Variants in OR6N1 observed in about 807,000 individuals in gnomAD.
OR6N1 encodes the protein olfactory receptor 6N1.
For synonymous variants in OR6N1, 170 were observed against 150.7 expected, an observed-to-expected ratio of 1.13 and a Z score of -0.94; for missense variants, 394 against 371.7, an observed-to-expected ratio of 1.06 and a Z score of -0.49.
chr1:158,804,359 G>C, the OR6N1 span, among the ~76,000 whole-genome samples: 196 of 152,230 alleles, frequency 1.3e-3, 1 homozygote, highest in African/African-American at 4.5e-3. Flanking sequence ...TACAACCTGA[G>C]GGTCCATTGC....
At chr1:158,787,245 G>A in the OR6N1 span, among the ~76,000 whole-genome samples, 41 of 152,134 alleles carry the variant, frequency 2.7e-4, no homozygotes, top group African/African-American at 9.4e-4. Flanking sequence ...TGTCATGATT[G>A]AAATCTTCCT....
the OR6N1 span, among the ~76,000 whole-genome samples, chr1:158,810,221 C>T: frequency 6.6e-6 from 1 of 152,118 alleles, no homozygotes; most frequent in Non-Finnish European, 1.5e-5. Context: ...CTCCCACACC[C>T]TAATAAGCCT....
chr1:158,777,100 CAG>C, upstream of OR6N1: 1 of 1,614,104 alleles, frequency 6.2e-7, no homozygotes. Flanking sequence ...TGGAAAGTCA[CAG>C]AAAATGTGTT....
rs200014184 is a variant in OR6N1, at chr1:158,765,854, C to A, written c.829G>T (p.Val277Phe). The A allele has an allele frequency of 3.1e-6, 5 of 1,613,988 alleles. No individual in the cohort carries two copies. Among genetic ancestry groups the A allele is most frequent in the African/African-American group, 1.3e-5 (1 of 74,936 alleles). The change falls in exon 2 of 2, where the codon GTC becomes TTC. Residue 277 changes from valine to phenylalanine, a missense_variant. Physicochemically the swap from Val to Phe is conservative, Grantham distance 50. Coordinates refer to ENST00000641846, the MANE Select transcript of OR6N1 (RefSeq NM_001005185.2). Reference sequence around the variant, plus strand: ...AGGAAGGGTGTGAGCACTGAGTAGACCACTGCCAGGGCCTGGTCATAGTCC... The same window carrying A: ...AGGAAGGGTGTGAGCACTGAGTAGAACACTGCCAGGGCCTGGTCATAGTCC... Reference protein sequence around the residue: ...SLDYDQALAVVYSVLTPFLNP... With the variant: ...SLDYDQALAVFYSVLTPFLNP...
At chr1:158,804,341 G>T in the OR6N1 span, among the ~76,000 whole-genome samples, 1 of 152,122 alleles carries the variant, frequency 6.6e-6, no homozygotes, top group African/African-American at 2.4e-5. Flanking sequence ...GGGCACACTT[G>T]GGTTACATAC....
At chr1:158,789,190 T>C in the OR6N1 span, among the ~76,000 whole-genome samples, 6 of 152,224 alleles carry the variant, frequency 3.9e-5, no homozygotes, top group Admixed American at 3.9e-4. Context: ...TTCTTTTTTA[T>C]TGCTGAATAG....
At chr1:158,830,652 T>C in the OR6N1 span, among the ~76,000 whole-genome samples, 25 of 152,294 alleles carry the variant, frequency 1.6e-4, no homozygotes. Flanking sequence ...ATTCCAGAGT[T>C]TCAGTGCTGT....
At chr1:158,772,585 G>A (rs1657449367), upstream of OR6N1, among the ~76,000 whole-genome samples, 1 of 152,206 alleles carries the variant, frequency 6.6e-6, no homozygotes, top group African/African-American at 2.4e-5. Context: ...CCCTGAAAGG[G>A]TGAGGACAGG....
the OR6N1 span, among the ~76,000 whole-genome samples, chr1:158,809,595 A>C: frequency 4.6e-5 from 7 of 152,060 alleles, no homozygotes; most frequent in Non-Finnish European, 1.0e-4. Flanking sequence ...TGCTCCAGTG[A>C]CTCAGTGATT....
chr1:158,821,078 A>G, the OR6N1 span, among the ~76,000 whole-genome samples: 1 of 152,216 alleles, frequency 6.6e-6, no homozygotes, highest in Non-Finnish European at 1.5e-5. Context: ...TACAAGCTCT[A>G]GTCTTCCTGG....
chr1:158,775,573 ATTACT>A (rs992635906), upstream of OR6N1: 1 of 152,228 alleles, frequency 6.6e-6, no homozygotes, highest in Non-Finnish European at 1.5e-5. Flanking sequence ...TTTCAAATAC[ATTACT>A]TTATATTTTA....
At chr1:158,780,827 A>G in the OR6N1 span, among the ~76,000 whole-genome samples, 2 of 152,186 alleles carry the variant, frequency 1.3e-5, no homozygotes, top group Non-Finnish European at 2.9e-5. Context: ...TCTGCCTTCT[A>G]CCATCTGTGT....
the OR6N1 span, among the ~76,000 whole-genome samples, chr1:158,802,864 T>A: frequency 1.3e-5 from 2 of 152,308 alleles, no homozygotes; most frequent in South Asian, 4.1e-4. Flanking sequence ...TTACTTTTAC[T>A]TATATCCATA....
At chr1:158,838,124 T>C in the OR6N1 span, among the ~76,000 whole-genome samples, 5 of 152,000 alleles carry the variant, frequency 3.3e-5, no homozygotes, top group Non-Finnish European at 7.4e-5. Context: ...TGATTACAAA[T>C]CAAAATAGCA....
At chr1:158,801,399 A>G in the OR6N1 span, among the ~76,000 whole-genome samples, 2 of 152,186 alleles carry the variant, frequency 1.3e-5, no homozygotes, top group Non-Finnish European at 2.9e-5. Context: ...GCAGGGTTAC[A>G]TGAAGAATCA....
chr1:158,794,446 A>G, the OR6N1 span, among the ~76,000 whole-genome samples: 8 of 152,228 alleles, frequency 5.3e-5, no homozygotes, highest in East Asian at 1.5e-3. Flanking sequence ...GGGCCAGACT[A>G]CTACGAATCC....
chr1:158,790,450 G>A, the OR6N1 span, among the ~76,000 whole-genome samples: 2 of 148,000 alleles, frequency 1.4e-5, no homozygotes, highest in Non-Finnish European at 3.0e-5. Flanking sequence ...ACCCAGGCTG[G>A]ATGGAGTGCA....
Position 158,765,590 on chromosome 1 carries a change from G to A in OR6N1, c.*154C>T. On this transcript the variant is annotated 3_prime_UTR_variant, in exon 2 of 2. Coordinates refer to ENST00000641846, the MANE Select transcript of OR6N1 (RefSeq NM_001005185.2). The stretch of plus-strand genomic sequence containing the variant: ...TGTGGCTCCAGCAGACAGTATGAAG[G>A]TCGCTATAACACTGGAAGTCAGTCA... The A allele has an allele frequency of 3.1e-6, 2 of 643,760 alleles. No homozygotes were observed. The highest frequency in any genetic ancestry group is 5.4e-6 in the Non-Finnish European group (2 of 372,430). 39.9% of individuals were successfully genotyped at this position (643,760 alleles called of 1,614,324 possible). A position where few individuals can be genotyped will look rare whatever the true frequency, so the allele number is the denominator to read the frequency against.
the OR6N1 span, among the ~76,000 whole-genome samples, chr1:158,826,253 C>T: frequency 1.3e-5 from 2 of 152,030 alleles, no homozygotes; most frequent in Non-Finnish European, 2.9e-5. Context: ...AACATGTACA[C>T]ATACCCCTGA....
Sources: gnomAD v4.1 joint callset for allele counts (sites outside exome capture counted in the v4.1 genomes callset) on GRCh38, gnomAD v4.1.1 for gene constraint, MANE v1.5 for transcripts, NCBI Gene and HGNC (gene_info 2026-07-23, HGNC 2026-07-21) for gene names.